SHMT1: variants seen among roughly 807,000 people sequenced by gnomAD.
SHMT1 encodes serine hydroxymethyltransferase, cytosolic.
Under a neutral mutation model 49.0 loss-of-function variants are expected in SHMT1, and 45 were observed. The ratio of observed to expected loss-of-function variants is 0.92; its 90% CI spans 0.72 to 1.18. The LOEUF is 1.18. Among genes scored for constraint, SHMT1 ranks in the 50% most tolerant of loss-of-function variants. The pLI is 0.00. For missense variants in SHMT1, 541 were observed against 612.4 expected (o/e 0.88, Z 1.23); for synonymous variants, 232 against 246.6 (o/e 0.94, Z 0.55).
chr17:18,348,041 C>A (rs536603170), intron 4 of SHMT1, among the ~76,000 whole-genome samples: 1 of 151,984 alleles, frequency 6.6e-6, no homozygotes, highest in East Asian at 1.9e-4. Flanking sequence ...CTGCCTCAGG[C>A]TCCGAGTAGC....
chr17:18,333,945 A>G (rs917037260), intron 8 of SHMT1, among the ~76,000 whole-genome samples: 1 of 151,190 alleles, frequency 6.6e-6, no homozygotes, highest in African/African-American at 2.4e-5. Context: ...ACACCTGGCT[A>G]ATTTTTTTTG....
chr17:18,338,238 G>C (rs1348047283), intron 7 of SHMT1, among the ~76,000 whole-genome samples: 1 of 151,390 alleles, frequency 6.6e-6, no homozygotes, highest in Non-Finnish European at 1.5e-5. Flanking sequence ...CGTCTGGGAG[G>C]TGAGGAGGGT....
intron 11 of SHMT1, 43 bp from the exon 12 acceptor site, chr17:18,328,962 A>G: frequency 6.2e-7 from 1 of 1,610,222 alleles, no homozygotes; most frequent in African/African-American, 1.3e-5. Flanking sequence ...ACTACACACC[A>G]AAGGGGGTAC....
chr17:18,346,243 G>T (rs978762726), intron 5 of SHMT1, among the ~76,000 whole-genome samples: 2 of 152,064 alleles, frequency 1.3e-5, no homozygotes, highest in African/African-American at 4.8e-5. Context: ...TAACAAACAT[G>T]AAACTAAGCA....
chr17:18,336,071 G>C (rs1983757824), intron 7 of SHMT1, among the ~76,000 whole-genome samples: 1 of 152,116 alleles, frequency 6.6e-6, no homozygotes, highest in Non-Finnish European at 1.5e-5. Context: ...GAGGTCAGGA[G>C]TTTGGGACTA....
chr17:18,330,499 G>A (rs1282893690), intron 10 of SHMT1, 56 bp downstream of exon 10: 3 of 1,252,672 alleles, frequency 2.4e-6, no homozygotes, highest in East Asian at 2.3e-5. Context: ...TACAACTTTG[G>A]CCAGAAGAAA....
At chr17:18,349,283 G>A (rs1985432829) in intron 3 of SHMT1, among the ~76,000 whole-genome samples, 1 of 152,072 alleles carries the variant, frequency 6.6e-6, no homozygotes, top group South Asian at 2.1e-4. Context: ...AGCCGGGAGT[G>A]GTGGCGGGTG....
intron 2 of SHMT1, 47 bp from the exon 3 acceptor site, chr17:18,353,864 A>C: frequency 6.3e-7 from 1 of 1,594,550 alleles, no homozygotes; most frequent in East Asian, 2.2e-5. Flanking sequence ...TTTTAGTTTA[A>C]AATTTTGCTC....
rs1288542397 is a variant in SHMT1, at chr17:18,358,719, T to C, written c.-19-2719A>G. Among the ~76,000 whole-genome samples the C allele has an allele frequency of 3.3e-5, 5 of 150,556 alleles. 1 individual carries two copies. The highest frequency in any genetic ancestry group is 7.4e-3 in the Middle Eastern group (2 of 272). ...GAGTTCAAGACTGGCCTGGGCAACA[T>C]GGCAAAGCCCCATTTCTACAAAAAA... On this transcript the variant is annotated intron_variant, in intron 1 of 11. Coordinates refer to ENST00000316694, the MANE Select transcript of SHMT1 (RefSeq NM_004169.5).
chr17:18,335,876 C>G (rs1038889426), intron 7 of SHMT1, among the ~76,000 whole-genome samples: 14 of 152,140 alleles, frequency 9.2e-5, no homozygotes, highest in Admixed American at 5.9e-4. Context: ...TTTTGGAAAC[C>G]AACACATCAT....
At chr17:18,352,708 G>T (rs1354626443) in intron 3 of SHMT1, among the ~76,000 whole-genome samples, 2 of 151,660 alleles carry the variant, frequency 1.3e-5, no homozygotes, top group South Asian at 4.2e-4. Flanking sequence ...TAGTCCCAGC[G>T]ACTCAGTAGG....
chr17:18,355,087 A>AAAAAG (rs1986103059), intron 2 of SHMT1, among the ~76,000 whole-genome samples: 1 of 108,594 alleles, frequency 9.2e-6, no homozygotes, highest in African/African-American at 3.7e-5. Context: ...AAAAAAAAAA[A>AAAAAG]GGCCGGGTGC....
intron 7 of SHMT1, among the ~76,000 whole-genome samples, chr17:18,336,863 T>C (rs1403440195): frequency 6.6e-6 from 1 of 152,010 alleles, no homozygotes; most frequent in Non-Finnish European, 1.5e-5. Flanking sequence ...GGAGGATTGC[T>C]TGGGCCCGGG....
Position 18,353,822 on chromosome 17 carries a change from T to C in SHMT1, c.97-5A>G. On this transcript the variant is annotated splice_polypyrimidine_tract_variant and splice_region_variant and intron_variant, in intron 2 of 11. Transcript: ENST00000316694. ...CTTCTTAATGATGTTGTAAACCTTA[T>C]GAGAAGAAAACAGATGCTTGATATT... 1 of 1,614,048 alleles carries C rather than the reference T, an allele frequency of 6.2e-7. No homozygotes were observed. Among genetic ancestry groups the C allele is most frequent in the South Asian group, 1.1e-5 (1 of 91,088 alleles).
At chr17:18,358,842 G>A (rs1033746285) in intron 1 of SHMT1, among the ~76,000 whole-genome samples, 1 of 152,174 alleles carries the variant, frequency 6.6e-6, no homozygotes, top group Non-Finnish European at 1.5e-5. Flanking sequence ...GCTAGAGGTT[G>A]CAATGAGCCG....
chr17:18,330,527 T>A (rs750481924), intron 10 of SHMT1, 28 bp downstream of exon 10: 1 of 1,454,064 alleles, frequency 6.9e-7, no homozygotes. Flanking sequence ...GGGAGAGGAG[T>A]GAAGGAGAAG....
At position 18,340,853 on chromosome 17, in the gene SHMT1, C is replaced by A; in HGVS notation, c.520-40G>T. 6.9e-7 allele frequency: 1 copy of A among 1,447,712 alleles called. No homozygotes were observed. Among genetic ancestry groups the A allele is most frequent in the Non-Finnish European group, 9.6e-7 (1 of 1,039,372 alleles). 89.7% of individuals were successfully genotyped at this position (1,447,712 alleles called of 1,614,324 possible). On this transcript the variant is annotated intron_variant, in intron 5 of 11. Coordinates refer to ENST00000316694, the MANE Select transcript of SHMT1 (RefSeq NM_004169.5). The surrounding 1 kb of genome is among the most constrained non-coding windows in gnomAD (Gnocchi z 4.5). ...GGAGGCAGGTTCAGGCTGCTTCCTC[C>A]AACCACACCTGCCTCCTGTCCTCCC...
chr17:18,350,187 C>A (rs1436303825), intron 3 of SHMT1, among the ~76,000 whole-genome samples: 1 of 151,878 alleles, frequency 6.6e-6, no homozygotes, highest in African/African-American at 2.4e-5. Context: ...AAAAATTAGC[C>A]GGGTGTGGTG....
chr17:18,348,561 G>A, intron 3 of SHMT1, 121 bp from the exon 4 acceptor site: 2 of 783,154 alleles, frequency 2.6e-6, no homozygotes, highest in South Asian at 2.7e-5. Flanking sequence ...AATGAGAAGA[G>A]CTTGTTAACA....
Sources: gnomAD v4.1 joint callset for allele counts (sites outside exome capture counted in the v4.1 genomes callset) on GRCh38, gnomAD v4.1.1 for gene constraint, Gnocchi (gnomAD v3.1) non-coding constraint, MANE v1.5 for transcripts, NCBI Gene and HGNC (gene_info 2026-07-23, HGNC 2026-07-21) for gene names.